Variants in CHM observed in about 807,000 individuals in gnomAD.
CHM encodes the protein rab proteins geranylgeranyltransferase component A 1.
Under a neutral mutation model 49.0 loss-of-function variants are expected in CHM, and 10 were observed. That is an observed-to-expected ratio of 0.20 (90% CI 0.13 to 0.35). The LOEUF (loss-of-function observed/expected upper bound fraction) is 0.35. CHM is among the 10% of genes least tolerant of loss of function. The pLI, the probability that CHM is intolerant of heterozygous loss-of-function variation, is 1.00. For missense variants in CHM, 455 were observed against 478.4 expected (o/e 0.95, Z 0.46); for synonymous variants, 184 against 167.5 (o/e 1.10, Z -0.76).
chrX:85,949,045 C>T (rs771969437), intron 8 of CHM, among the ~76,000 whole-genome samples: 55 of 110,793 alleles, frequency 5.0e-4, no homozygotes, highest in East Asian at 2.6e-3. Context: ...CATGAGCCAC[C>T]GCACCCGGCA....
Position 85,942,404 on chromosome X carries a change from G to A in CHM, c.1166+13749C>T, listed in dbSNP as rs1027360502. 2.7e-5 allele frequency among the ~76,000 whole-genome samples: 3 copies of A among 109,977 alleles called. No homozygotes were observed. In the Admixed American group the frequency reaches 2.9e-4, roughly 11 times the overall value. The stretch of plus-strand genomic sequence containing the variant: ...AAAAATAATAAAAATTCCTAACAAC[G>A]GTTCTCAATCCTTGTTTTTAAGTCA... On this transcript the variant is annotated intron_variant, in intron 8 of 14. Coordinates refer to ENST00000357749, the MANE Select transcript of CHM (RefSeq NM_000390.4).
chrX:85,909,187 C>A (rs748240884), intron 9 of CHM, among the ~76,000 whole-genome samples: 1 of 111,720 alleles, frequency 9.0e-6, no homozygotes, highest in Non-Finnish European at 1.9e-5. Context: ...CAAAACAAGA[C>A]ATGTCTTTCT....
At chrX:85,937,757 T>A (rs1340206781) in intron 8 of CHM, among the ~76,000 whole-genome samples, 2 of 106,726 alleles carry the variant, frequency 1.9e-5, no homozygotes, top group Non-Finnish European at 3.8e-5. Context: ...GGCAGGAGAA[T>A]CAGTTGAATC....
chrX:85,937,064 A>T (rs1180418435), intron 8 of CHM, among the ~76,000 whole-genome samples: 1 of 109,920 alleles, frequency 9.1e-6, no homozygotes, highest in East Asian at 2.9e-4. Context: ...CAAGAGATCA[A>T]GACCATCCTG....
intron 9 of CHM, among the ~76,000 whole-genome samples, chrX:85,906,888 C>T (rs1403197884): frequency 8.9e-6 from 1 of 112,030 alleles, no homozygotes; most frequent in East Asian, 2.8e-4. Context: ...AATACCAGCA[C>T]TCTGGGAGGC....
At chrX:86,030,134 C>G (rs1394825319) in intron 1 of CHM, among the ~76,000 whole-genome samples, 1 of 112,045 alleles carries the variant, frequency 8.9e-6, no homozygotes, top group Non-Finnish European at 1.9e-5. Context: ...TCAACAATGT[C>G]AGAAGTCAAA....
intron 2 of CHM, among the ~76,000 whole-genome samples, chrX:85,999,506 G>GA (rs907831009): frequency 1.8e-5 from 2 of 111,555 alleles, no homozygotes; most frequent in African/African-American, 3.2e-5. Context: ...TAAATGATCA[G>GA]AAAAAAGGAT....
At chrX:86,007,638 CAATA>C (rs1932892559) in intron 2 of CHM, among the ~76,000 whole-genome samples, 1 of 112,076 alleles carries the variant, frequency 8.9e-6, no homozygotes, top group African/African-American at 3.2e-5. Flanking sequence ...TCTATGCAGC[CAATA>C]AATACATGAA....
intron 2 of CHM, among the ~76,000 whole-genome samples, chrX:86,023,650 C>T (rs900333707): frequency 3.6e-5 from 4 of 111,355 alleles, no homozygotes; most frequent in African/African-American, 1.3e-4. Flanking sequence ...CACAAAGATT[C>T]TCAATAAAAA....
intron 8 of CHM, among the ~76,000 whole-genome samples, chrX:85,919,655 TAGA>T (rs1301904659): frequency 8.9e-6 from 1 of 111,953 alleles, no homozygotes; most frequent in Non-Finnish European, 1.9e-5. Context: ...GGAAATATTA[TAGA>T]AGAAGTTTAA....
At chrX:86,024,200 AT>A (rs1933719896) in intron 2 of CHM, among the ~76,000 whole-genome samples, 1 of 112,216 alleles carries the variant, frequency 8.9e-6, no homozygotes, top group African/African-American at 3.2e-5. Flanking sequence ...AAGTGGGAAG[AT>A]GAAGTAAAGA....
intron 5 of CHM, among the ~76,000 whole-genome samples, chrX:85,960,733 C>T (rs1930253028): frequency 9.0e-6 from 1 of 110,888 alleles, no homozygotes; most frequent in African/African-American, 3.3e-5. Context: ...GCCTAAGCCT[C>T]TTTTTCACTA....
chrX:86,038,441 G>A (rs992971116), intron 1 of CHM, among the ~76,000 whole-genome samples: 6 of 111,635 alleles, frequency 5.4e-5, no homozygotes, highest in African/African-American at 1.6e-4. Flanking sequence ...TCTTACAAAC[G>A]TTGATTAATG....
At chrX:86,010,215 G>T (rs1376352331) in intron 2 of CHM, among the ~76,000 whole-genome samples, 1 of 82,961 alleles carries the variant, frequency 1.2e-5, no homozygotes, top group Non-Finnish European at 2.3e-5. Context: ...GGTGGGGGGG[G>T]CTGGAGGAGG....
At chrX:85,911,132 T>TAG (rs1187084839) in intron 9 of CHM, 129 bp downstream of exon 9, 1 of 4,867 alleles carries the variant, frequency 2.1e-4, no homozygotes, top group African/African-American at 1.2e-3. Flanking sequence ...TGTATATGTA[T>TAG]ATATATATAT....
chrX:85,963,657 G>A lies in CHM; in HGVS notation c.702+8C>T. 2 of 1,192,909 alleles carry A rather than the reference G, an allele frequency of 1.7e-6. No homozygotes were observed. The highest frequency in any genetic ancestry group is 3.0e-5 in the East Asian group (1 of 33,762). ...TTCAATGCAAAGATGGGTAAAATTA[G>A]TACTTACCTTTGATACTAAATCAAT... On this transcript the variant is annotated splice_region_variant and intron_variant, in intron 5 of 14. Coordinates refer to ENST00000357749, the MANE Select transcript of CHM (RefSeq NM_000390.4).
intron 2 of CHM, among the ~76,000 whole-genome samples, chrX:86,008,994 G>A (rs1257096703): frequency 8.9e-6 from 1 of 112,098 alleles, no homozygotes; most frequent in African/African-American, 3.2e-5. Flanking sequence ...AAGGTGAAAA[G>A]CAAATCAAAC....
intron 2 of CHM, among the ~76,000 whole-genome samples, chrX:85,988,480 GTAGTATTGGAAGTCC>G (rs1244511792): frequency 9.0e-6 from 1 of 111,609 alleles, no homozygotes; most frequent in East Asian, 2.8e-4. Flanking sequence ...CCTATTCAAC[GTAGTATTGGAAGTCC>G]TAGCCAGATC....
chrX:85,878,688 C>T (rs1211746271), intron 13 of CHM, among the ~76,000 whole-genome samples: 1 of 110,962 alleles, frequency 9.0e-6, no homozygotes. Context: ...TCTAACAATC[C>T]TTTTTCTGTG....
Sources: gnomAD v4.1 joint callset for allele counts (sites outside exome capture counted in the v4.1 genomes callset) on GRCh38, gnomAD v4.1.1 for gene constraint, MANE v1.5 for transcripts, NCBI Gene and HGNC (gene_info 2026-07-23, HGNC 2026-07-21) for gene names.